Variants in MGAM2 observed in about 807,000 individuals in gnomAD.
MGAM2 encodes probable maltase-glucoamylase 2.
Under a neutral mutation model 96.1 loss-of-function variants are expected in MGAM2, and 98 were observed. That is an observed-to-expected ratio of 1.02 (90% confidence interval 0.87 to 1.21). The LOEUF (loss-of-function observed/expected upper bound fraction) is 1.21. Among genes scored for constraint, MGAM2 ranks in the 50% most tolerant of loss-of-function variants. The probability of loss-of-function intolerance (pLI) is 0.00; values close to 1 mark genes in which losing one functional copy is unlikely to be tolerated. For synonymous variants in MGAM2, 749 were observed against 414.8 expected (o/e 1.81, Z -9.79); for missense variants, 2,055 against 1,182.4 (o/e 1.74, Z -10.82).
At position 142,152,992 on chromosome 7, in the gene MGAM2, CTTT is replaced by C. The variant is rs10559271; in HGVS notation, c.1635-1011_1635-1009del. On this transcript the variant is annotated intron_variant, in intron 15 of 47. Transcript: ENST00000477922. ...GCTTTTAATTTCTTTGCTTTTATTC[CTTT>C]TTTTTTTTTTTTTTGTCTGAGACAG... Among the ~76,000 whole-genome samples the C allele has an allele frequency of 1.8e-3, 211 of 117,092 alleles. 1 individual carries two copies. In the Middle Eastern group the frequency reaches 0.023, roughly 12 times the overall value. The allele number at this position is 117,092 out of a possible 152,430, so 76.8% of individuals were successfully genotyped here. A position where few individuals can be genotyped will look rare whatever the true frequency, so the allele number is the denominator to read the frequency against.
chr7:142,194,022 T>G (rs1796950216), intron 37 of MGAM2, among the ~76,000 whole-genome samples: 1 of 146,848 alleles, frequency 6.8e-6, no homozygotes, highest in African/African-American at 2.6e-5. Flanking sequence ...TCCTGCAGTC[T>G]TTTCTTTCTT....
rs1797952831 is a variant in MGAM2 at position 142,222,180 on chromosome 7, G to C, written c.*121G>C. The C allele has an allele frequency of 2.5e-6, 1 of 395,758 alleles. No homozygotes were observed. Among genetic ancestry groups the C allele is most frequent in the Non-Finnish European group, 4.5e-6 (1 of 224,478 alleles). 24.5% of individuals were successfully genotyped at this position (395,758 alleles called of 1,614,324 possible). ...GCTACTTAAGTTTTCACGGATATTA[G>C]TACTCTAGCCATAAAAGACACAGCT... On this transcript the variant is annotated 3_prime_UTR_variant, in exon 48 of 48. Coordinates refer to ENST00000477922, the MANE Select transcript of MGAM2 (RefSeq NM_001293626.2).
Position 142,148,088 on chromosome 7 carries a change from G to T in MGAM2, c.1634+515G>T, listed in dbSNP as rs1270808453. 6.6e-6 allele frequency among the ~76,000 whole-genome samples: 1 copy of T among 151,218 alleles called. No individual in the cohort carries two copies. Among genetic ancestry groups the T allele is most frequent in the Non-Finnish European group, 1.5e-5 (1 of 67,746 alleles). On this transcript the variant is annotated intron_variant, in intron 15 of 47. Transcript: ENST00000477922. This position sits in a 1 kb window ranked among gnomAD's most constrained non-coding sequence, Gnocchi z 4.2. ...CTCATAATTCTCCCTTCTGCCCTAAGACACACACACATGCACACACACGTG... is the reference window on the plus strand; with the variant it reads ...CTCATAATTCTCCCTTCTGCCCTAATACACACACACATGCACACACACGTG...
intron 14 of MGAM2, among the ~76,000 whole-genome samples, chr7:142,146,142 G>GTTTTTTTTT (rs71166565): frequency 6.4e-5 from 7 of 108,956 alleles, no homozygotes; most frequent in African/African-American, 1.1e-4. Context: ...AGTTTATCAT[G>GTTTTTTTTT]TTTTTTTTTT....
At chr7:142,112,326 C>T (rs551991247) in intron 1 of MGAM2, among the ~76,000 whole-genome samples, 2 of 152,238 alleles carry the variant, frequency 1.3e-5, no homozygotes, top group East Asian at 3.9e-4. Flanking sequence ...CGTTCCTGTA[C>T]TTCCTGAGCT....
At position 142,148,789 on chromosome 7, in the gene MGAM2, G is replaced by C. The variant is rs2129083010; in HGVS notation, c.1634+1216G>C. On this transcript the variant is annotated intron_variant, in intron 15 of 47. Transcript: ENST00000477922. This position sits in a 1 kb window ranked among gnomAD's most constrained non-coding sequence, Gnocchi z 4.2. ...CTTTCCCCCTGTTTTGGTGTTTCTA[G>C]AGCACTGTTGTGCTCTACAAGACAG... Among the ~76,000 whole-genome samples the C allele has an allele frequency of 6.6e-6, 1 of 152,242 alleles. No homozygotes were observed. Among genetic ancestry groups the C allele is most frequent in the African/African-American group, 2.4e-5 (1 of 41,564 alleles).
intron 44 of MGAM2, 118 bp downstream of exon 44, chr7:142,198,857 C>A: frequency 1.7e-6 from 1 of 594,186 alleles, no homozygotes; most frequent in Non-Finnish European, 3.0e-6. Flanking sequence ...TGCCAAACAG[C>A]TTTACTGGTC....
At chr7:142,183,499 G>T in intron 33 of MGAM2, 126 bp downstream of exon 33, 1 of 599,028 alleles carries the variant, frequency 1.7e-6, no homozygotes, top group Non-Finnish European at 3.0e-6. Context: ...AAATCTGTCC[G>T]ATGCTGATTA....
chr7:142,193,087 A>G (rs1437597230), intron 37 of MGAM2, among the ~76,000 whole-genome samples: 4 of 151,496 alleles, frequency 2.6e-5, no homozygotes, highest in Admixed American at 1.3e-4. Context: ...TAATCTTTCA[A>G]CTCCCTCTCA....
intron 34 of MGAM2, among the ~76,000 whole-genome samples, 189 bp downstream of exon 34, chr7:142,185,328 G>A (rs528833206): frequency 6.6e-6 from 1 of 152,310 alleles, no homozygotes; most frequent in South Asian, 2.1e-4. Context: ...ACATGGAAAT[G>A]TGTAGAAGGA....
chr7:142,116,466 T>C lies in MGAM2; in HGVS notation c.1-408T>C, dbSNP rs183447369. 2.4e-3 allele frequency among the ~76,000 whole-genome samples: 358 copies of C among 152,310 alleles called. 1 individual carries two copies. Among genetic ancestry groups the C allele is most frequent in the Non-Finnish European group, 3.9e-3 (268 of 68,012 alleles). ...AGACTTGGATTCCAGTTTTGCTACT[T>C]TCTCTCTCCCTGAGCATACCTTCCT... On this transcript the variant is annotated intron_variant, in intron 1 of 47. Transcript: ENST00000477922.
intron 3 of MGAM2, among the ~76,000 whole-genome samples, chr7:142,125,139 T>C (rs1395659069): frequency 1.3e-5 from 2 of 152,216 alleles, no homozygotes; most frequent in Admixed American, 1.3e-4. Flanking sequence ...AAAATGGAAC[T>C]TCCTGGAGAC....
rs572863400 is a variant in MGAM2 at position 142,125,910 on chromosome 7, CCTGT to C, written c.187-5035_187-5032del. 5.1e-3 allele frequency among the ~76,000 whole-genome samples: 776 copies of C among 152,162 alleles called. 3 individuals carry two copies. The highest frequency in any genetic ancestry group is 9.7e-3 in the South Asian group (47 of 4,826). On this transcript the variant is annotated intron_variant, in intron 3 of 47. Coordinates refer to ENST00000477922, the MANE Select transcript of MGAM2 (RefSeq NM_001293626.2). ...ACAAAATGAGAAAGTATTAATGTTT[CCTGT>C]CTATCTCCAAATTACTCCCCCCAGA...
At chr7:142,177,803 C>T (rs1796421419) in intron 32 of MGAM2, among the ~76,000 whole-genome samples, 2 of 152,166 alleles carry the variant, frequency 1.3e-5, no homozygotes, top group Non-Finnish European at 2.9e-5. Flanking sequence ...CACATCTCTG[C>T]TATTGCAGAT....
chr7:142,212,583 C>T (rs145550521), intron 46 of MGAM2, among the ~76,000 whole-genome samples: 71 of 152,162 alleles, frequency 4.7e-4, no homozygotes, highest in African/African-American at 1.6e-3. Flanking sequence ...AGATTTTAAA[C>T]CAACAAATAT....
rs560146747 is a variant in MGAM2 at position 142,132,994 on chromosome 7, ATTAATTTATATTTATAT to A, written c.575+923_575+939del. Among the ~76,000 whole-genome samples, 544 of 131,580 alleles carry A rather than the reference ATTAATTTATATTTATAT, an allele frequency of 4.1e-3. 4 individuals are homozygous for A. Among genetic ancestry groups the A allele is most frequent in the Middle Eastern group, 0.034 (3 of 88 alleles). The allele number at this position is 131,580 out of a possible 152,430, so 86.3% of individuals were successfully genotyped here. On this transcript the variant is annotated intron_variant, in intron 6 of 47. Transcript: ENST00000477922. ...AATATTTAACATATATTTAATATAT[ATTAATTTATATTTATAT>A]TTAATTTATATTTTCATTTAATTAT... is the stretch of plus-strand genomic sequence containing the variant.
intron 14 of MGAM2, among the ~76,000 whole-genome samples, chr7:142,146,780 T>G (rs907386192): frequency 3.0e-4 from 45 of 151,806 alleles, no homozygotes; most frequent in African/African-American, 1.1e-3. Flanking sequence ...CAGTCTGGAG[T>G]GCAGTGGCAC....
At chr7:142,114,197 A>AG (rs1817296425) in intron 1 of MGAM2, among the ~76,000 whole-genome samples, 1 of 129,730 alleles carries the variant, frequency 7.7e-6, no homozygotes. Context: ...AAAGAAAGAA[A>AG]GAAAGAAAGA....
At chr7:142,113,712 G>A (rs1817253539) in intron 1 of MGAM2, among the ~76,000 whole-genome samples, 1 of 152,022 alleles carries the variant, frequency 6.6e-6, no homozygotes, top group Admixed American at 6.6e-5. Context: ...CTAAATCCCT[G>A]GGCTAGAAAT....
Sources: allele counts gnomAD v4.1 joint callset (sites outside exome capture counted in the v4.1 genomes callset), GRCh38; gene constraint gnomAD v4.1.1; non-coding constraint Gnocchi (gnomAD v3.1); transcripts MANE v1.5; gene names NCBI Gene and HGNC (gene_info 2026-07-23, HGNC 2026-07-21).